CELF2: variants seen among roughly 807,000 people sequenced by gnomAD.
CELF2 encodes CUG triplet repeat RNA-binding protein 2.
A neutral mutation model predicts 62.6 loss-of-function variants in CELF2; 8 were observed. The ratio of observed to expected loss-of-function variants is 0.13; its 90% CI spans 0.07 to 0.23. The LOEUF is 0.23. Among genes scored for constraint, CELF2 ranks in the 10% least tolerant of loss-of-function variants. The pLI, the probability that CELF2 is intolerant of heterozygous loss-of-function variation, is 1.00. For missense variants in CELF2, 333 were observed against 671.0 expected, an observed-to-expected ratio of 0.50 and a Z score of 5.56; for synonymous variants, 258 against 250.0, an observed-to-expected ratio of 1.03 and a Z score of -0.30.
the CELF2 span, among the ~76,000 whole-genome samples, chr10:10,727,477 C>A: frequency 6.6e-6 from 1 of 152,050 alleles, no homozygotes; most frequent in Non-Finnish European, 1.5e-5. Context: ...CCCTTGATTG[C>A]ACTATAAAGA....
Position 11,309,730 on chromosome 10 carries a change from C to G in CELF2, c.977-4409C>G, listed in dbSNP as rs556333921. Reference sequence around the variant, plus strand: ...GGACTCTTTCTGGCTGTCCCTTTCCCTGCCCTCTCTGCTAAGCTTTCAGCT... The same window carrying G: ...GGACTCTTTCTGGCTGTCCCTTTCCGTGCCCTCTCTGCTAAGCTTTCAGCT... On this transcript the variant is annotated intron_variant, in intron 9 of 12. Coordinates refer to ENST00000633077, the MANE Select transcript of CELF2 (RefSeq NM_001326342.2). This position sits in a 1 kb window ranked among gnomAD's most constrained non-coding sequence, Gnocchi z 5.6. Among the ~76,000 whole-genome samples, 17 of 152,324 alleles carry G rather than the reference C, an allele frequency of 1.1e-4. No homozygotes were observed. Among genetic ancestry groups the G allele is most frequent in the African/African-American group, 3.4e-4 (14 of 41,568 alleles).
intron 2 of CELF2, among the ~76,000 whole-genome samples, chr10:11,196,480 A>C (rs2057511322): frequency 6.6e-6 from 1 of 151,722 alleles, no homozygotes. Context: ...CCTGGGCAAT[A>C]CAGCGAGACC....
chr10:10,903,311 A>C (rs578149141), intron 1 of CELF2, among the ~76,000 whole-genome samples: 13 of 152,358 alleles, frequency 8.5e-5, no homozygotes, highest in African/African-American at 3.1e-4. Flanking sequence ...TGTCAGATGA[A>C]AACGAAGATG....
At chr10:10,961,618 C>T (rs556880171) in intron 2 of CELF2, among the ~76,000 whole-genome samples, 11 of 151,418 alleles carry the variant, frequency 7.3e-5, no homozygotes, top group East Asian at 2.0e-4. Flanking sequence ...TGGTAGTGGG[C>T]GCCTATAATC....
intron 3 of CELF2, among the ~76,000 whole-genome samples, chr10:11,228,158 A>G (rs74115787): frequency 0.039 from 5,934 of 152,314 alleles, 333 homozygotes; most frequent in East Asian, 0.24. Context: ...TTTGGCTTAT[A>G]AATGTTTTGT....
chr10:11,328,324 A>ATGAG lies in CELF2; in HGVS notation c.1439-596_1439-593dup, dbSNP rs1282757424. Among the ~76,000 whole-genome samples the ATGAG allele has an allele frequency of 6.6e-6, 1 of 152,212 alleles. No individual in the cohort carries two copies. The highest frequency in any genetic ancestry group is 2.4e-5 in the African/African-American group (1 of 41,440). ...AACTCCAAATGGGTAAAAATCAAGT[A>ATGAG]TGAGTGAGTTATTCTAGAGTTTATT... On this transcript the variant is annotated intron_variant, in intron 12 of 12. Coordinates refer to ENST00000633077, the MANE Select transcript of CELF2 (RefSeq NM_001326342.2). This position sits in a 1 kb window ranked among gnomAD's most constrained non-coding sequence, Gnocchi z 6.4.
At chr10:10,838,136 C>G (rs1180433577) in intron 1 of CELF2, among the ~76,000 whole-genome samples, 5 of 152,094 alleles carry the variant, frequency 3.3e-5, no homozygotes, top group Non-Finnish European at 5.9e-5. Context: ...GTTTTGATGA[C>G]CTTGATCGTT....
the CELF2 span, among the ~76,000 whole-genome samples, chr10:10,770,537 G>A: frequency 2.6e-5 from 4 of 152,038 alleles, no homozygotes; most frequent in Admixed American, 6.5e-5. Context: ...AGACTGAAGG[G>A]AAATTATTAA....
intron 1 of CELF2, among the ~76,000 whole-genome samples, chr10:11,062,597 G>C (rs546931298): frequency 6.6e-6 from 1 of 152,152 alleles, no homozygotes; most frequent in Non-Finnish European, 1.5e-5. Context: ...GAGGTGGAGC[G>C]TGGAGATGGG....
chr10:11,261,690 T>G (rs1018758131), intron 5 of CELF2, among the ~76,000 whole-genome samples: 2 of 152,202 alleles, frequency 1.3e-5, no homozygotes, highest in Non-Finnish European at 2.9e-5. Context: ...CTTCTCTAAT[T>G]TGGAAAACAC....
chr10:11,128,881 A>C (rs9423843), intron 1 of CELF2, among the ~76,000 whole-genome samples: 47,441 of 151,862 alleles, frequency 0.31, 8,260 homozygotes, highest in East Asian at 0.77. Context: ...CTTTCTCTTG[A>C]CTGATTGCCC....
chr10:11,260,414 T>A lies in CELF2; in HGVS notation c.538+2542T>A, dbSNP rs1058349. On this transcript the variant is annotated intron_variant, in intron 5 of 12. Coordinates refer to ENST00000633077, the MANE Select transcript of CELF2 (RefSeq NM_001326342.2). The surrounding 1 kb of genome is among the most constrained non-coding windows in gnomAD (Gnocchi z 4.2). ...GCGTTCAGAGCTCCTTGAGCATACA[T>A]CAGTTATTTCTGCAGATCAGGTTTT... Among the ~76,000 whole-genome samples, 20,836 of 152,204 alleles carry A rather than the reference T, an allele frequency of 0.14. 1,678 individuals carry two copies. Among genetic ancestry groups the A allele is most frequent in the African/African-American group, 0.21 (8,892 of 41,484 alleles).
chr10:10,634,384 T>C, the CELF2 span, among the ~76,000 whole-genome samples: 2 of 152,186 alleles, frequency 1.3e-5, no homozygotes, highest in African/African-American at 4.8e-5. Flanking sequence ...AGGAAGTTTA[T>C]TTTGTATATT....
chr10:10,713,188 C>T, the CELF2 span, among the ~76,000 whole-genome samples: 65 of 152,328 alleles, frequency 4.3e-4, no homozygotes, highest in South Asian at 4.1e-4. Flanking sequence ...CCTTCGTAAC[C>T]TGCTAGAGCA....
chr10:10,963,430 T>C (rs931763514), intron 2 of CELF2, among the ~76,000 whole-genome samples: 1 of 152,196 alleles, frequency 6.6e-6, no homozygotes, highest in African/African-American at 2.4e-5. Flanking sequence ...TTTAACCTGC[T>C]CTTCTTAACG....
the CELF2 span, among the ~76,000 whole-genome samples, chr10:10,692,321 A>G: frequency 6.6e-6 from 1 of 151,650 alleles, no homozygotes. Context: ...ATAGTTGTAG[A>G]TATGTGGCAT....
At chr10:10,887,915 G>C (rs923645846) in intron 1 of CELF2, among the ~76,000 whole-genome samples, 1 of 152,126 alleles carries the variant, frequency 6.6e-6, no homozygotes, top group Non-Finnish European at 1.5e-5. Context: ...GGAATTACTG[G>C]CATACGCCAC....
chr10:10,624,389 A>G, the CELF2 span, among the ~76,000 whole-genome samples: 5 of 152,302 alleles, frequency 3.3e-5, no homozygotes, highest in African/African-American at 4.8e-5. Context: ...CGATGGCATT[A>G]CCTGAGTCAC....
chr10:11,094,783 A>G (rs537925345), intron 1 of CELF2, among the ~76,000 whole-genome samples: 226 of 152,336 alleles, frequency 1.5e-3, no homozygotes, highest in Non-Finnish European at 2.5e-3. Context: ...CATACAAAAT[A>G]CCTTAGCCAT....
Sources: allele counts gnomAD v4.1 joint callset (sites outside exome capture counted in the v4.1 genomes callset), GRCh38; gene constraint gnomAD v4.1.1; non-coding constraint Gnocchi (gnomAD v3.1); transcripts MANE v1.5; gene names NCBI Gene and HGNC (gene_info 2026-07-23, HGNC 2026-07-21).